The following FHOD3 variants were observed in gnomAD, a reference collection of about 807,000 sequenced individuals.
FHOD3 encodes the protein formin homology 2 domain containing 3, also known as FH1/FH2 domain-containing protein 3.
FHOD3 carries 90 observed loss-of-function variants against 173.0 expected under a neutral mutation model. The observed-to-expected ratio is 0.52, with a 90% CI of 0.44 to 0.62. The LOEUF is 0.62. FHOD3 is among the 20% of genes least tolerant of loss of function. The pLI is 0.00. For synonymous variants in FHOD3, 828 were observed against 823.0 expected (o/e 1.01, Z -0.10); for missense variants, 1,945 against 2,034.7 (o/e 0.96, Z 0.85).
intron 14 of FHOD3, among the ~76,000 whole-genome samples, chr18:36,667,299 A>G (rs556121223): frequency 6.6e-6 from 1 of 152,344 alleles, no homozygotes; most frequent in Non-Finnish European, 1.5e-5. Context: ...ATAAGGGACT[A>G]TTCTGAACAA....
At chr18:36,676,482 T>C (rs1028406717) in intron 14 of FHOD3, among the ~76,000 whole-genome samples, 1 of 152,222 alleles carries the variant, frequency 6.6e-6, no homozygotes, top group Non-Finnish European at 1.5e-5. Context: ...CTGCAACATA[T>C]AGAATTATTT....
Position 36,634,698 on chromosome 18 carries a change from G to A in FHOD3, c.1196+8949G>A, listed in dbSNP as rs72895574. On this transcript the variant is annotated intron_variant, in intron 10 of 28. Coordinates refer to ENST00000590592, the MANE Select transcript of FHOD3 (RefSeq NM_001281740.3). ...GGGGAGGGCATAGGCGTGGTTGTGT[G>A]TAAACTCAGGATGATGGTACCTGTA... 3.4e-3 allele frequency among the ~76,000 whole-genome samples: 521 copies of A among 152,290 alleles called. 2 individuals are homozygous for A. The highest frequency in any genetic ancestry group is 6.0e-3 in the African/African-American group (249 of 41,566).
intron 17 of FHOD3, among the ~76,000 whole-genome samples, chr18:36,702,737 T>C (rs1196210682): frequency 6.6e-6 from 1 of 152,252 alleles, no homozygotes; most frequent in Non-Finnish European, 1.5e-5. Context: ...CCAGAAATTC[T>C]AATTGGACAC....
chr18:36,465,801 A>G, intron 3 of FHOD3, among the ~76,000 whole-genome samples: 1 of 152,102 alleles, frequency 6.6e-6, no homozygotes, highest in Non-Finnish European at 1.5e-5. Context: ...ACTGCTTGCC[A>G]TGAGGGTCAT....
At chr18:36,344,152 C>G (rs2045770041) in intron 1 of FHOD3, among the ~76,000 whole-genome samples, 1 of 152,152 alleles carries the variant, frequency 6.6e-6, no homozygotes, top group Non-Finnish European at 1.5e-5. Flanking sequence ...GAAACAGAAA[C>G]TGACCAATTT....
intron 2 of FHOD3, among the ~76,000 whole-genome samples, chr18:36,361,074 T>TC (rs377113757): frequency 6.6e-6 from 1 of 152,160 alleles, no homozygotes; most frequent in Non-Finnish European, 1.5e-5. Context: ...ATTTTTTTTT[T>TC]CCTCTTAAGG....
chr18:36,623,711 G>A (rs1012849819), intron 9 of FHOD3, among the ~76,000 whole-genome samples: 6 of 152,268 alleles, frequency 3.9e-5, no homozygotes, highest in African/African-American at 7.2e-5. Context: ...TTAAATTATC[G>A]TCACCTATGG....
At chr18:36,379,113 T>TAA (rs1194766281) in intron 3 of FHOD3, among the ~76,000 whole-genome samples, 8 of 152,226 alleles carry the variant, frequency 5.3e-5, no homozygotes, top group African/African-American at 1.9e-4. Flanking sequence ...AGAATGAATT[T>TAA]AAAGAGTGGC....
chr18:36,550,178 T>A (rs2057587071), intron 5 of FHOD3, among the ~76,000 whole-genome samples: 1 of 150,090 alleles, frequency 6.7e-6, no homozygotes, highest in South Asian at 2.1e-4. Flanking sequence ...TCACTTTGTG[T>A]GTGTGTTTGT....
intron 21 of FHOD3, among the ~76,000 whole-genome samples, chr18:36,742,107 G>A (rs1435913589): frequency 2.6e-5 from 4 of 152,156 alleles, no homozygotes; most frequent in Admixed American, 2.6e-4. Flanking sequence ...TGGGATATAG[G>A]CTGGGGGAGA....
At chr18:36,576,579 C>A in intron 6 of FHOD3, 34 bp downstream of exon 6, 1 of 1,498,840 alleles carries the variant, frequency 6.7e-7, no homozygotes, top group Non-Finnish European at 9.2e-7. Context: ...GTTTTGTTCA[C>A]TTGTCATATC....
At chr18:36,436,892 C>T (rs1482315241) in intron 3 of FHOD3, among the ~76,000 whole-genome samples, 1 of 152,184 alleles carries the variant, frequency 6.6e-6, no homozygotes, top group Non-Finnish European at 1.5e-5. Flanking sequence ...TCCCTATTTT[C>T]ATCAACATAC....
At chr18:36,778,728 A>G (rs2043874077) in intron 28 of FHOD3, 1 of 152,176 alleles carries the variant, frequency 6.6e-6, no homozygotes, top group African/African-American at 2.4e-5. Context: ...AACAGCCACC[A>G]ATTCCAGCCA....
chr18:36,393,728 T>C (rs1402950345), intron 3 of FHOD3, among the ~76,000 whole-genome samples: 1 of 152,110 alleles, frequency 6.6e-6, no homozygotes, highest in Non-Finnish European at 1.5e-5. Flanking sequence ...TGAGCCTAAT[T>C]CTCTAAGCAG....
chr18:36,347,262 G>A (rs1301935966), intron 1 of FHOD3, among the ~76,000 whole-genome samples: 3 of 152,238 alleles, frequency 2.0e-5, no homozygotes, highest in Non-Finnish European at 4.4e-5. Context: ...TCAAGGGAAA[G>A]TTTAATGTAT....
chr18:36,349,643 CTAGA>C (rs2046026132), intron 1 of FHOD3, among the ~76,000 whole-genome samples: 1 of 152,164 alleles, frequency 6.6e-6, no homozygotes, highest in African/African-American at 2.4e-5. Flanking sequence ...CTGCCAAAAC[CTAGA>C]TAATCATTAA....
At chr18:36,721,881 A>G (rs1285716176) in intron 19 of FHOD3, among the ~76,000 whole-genome samples, 1 of 152,212 alleles carries the variant, frequency 6.6e-6, no homozygotes, top group East Asian at 1.9e-4. Context: ...AGACAGCACA[A>G]AACAAAGAGA....
intron 3 of FHOD3, among the ~76,000 whole-genome samples, chr18:36,386,537 A>G (rs1044007102): frequency 6.6e-6 from 1 of 152,242 alleles, no homozygotes; most frequent in Admixed American, 6.5e-5. Context: ...TGCCCAGGCC[A>G]GTGTGAGTCA....
At chr18:36,361,941 G>A (rs764875298) in intron 2 of FHOD3, among the ~76,000 whole-genome samples, 14 of 152,156 alleles carry the variant, frequency 9.2e-5, no homozygotes, top group Non-Finnish European at 1.6e-4. Context: ...TGAGAAAGAC[G>A]GCATTCCTGA....
Sources: gnomAD v4.1 joint callset for allele counts (sites outside exome capture counted in the v4.1 genomes callset) on GRCh38, gnomAD v4.1.1 for gene constraint, MANE v1.5 for transcripts, NCBI Gene and HGNC (gene_info 2026-07-23, HGNC 2026-07-21) for gene names.